Variants in GPAM observed in about 807,000 individuals in gnomAD.
The protein encoded by GPAM is glycerol-3-phosphate acyltransferase 1, mitochondrial.
Under a neutral mutation model 105.0 loss-of-function variants are expected in GPAM, and 56 were observed. The observed-to-expected ratio is 0.53, with a 90% CI of 0.43 to 0.67. The LOEUF (loss-of-function observed/expected upper bound fraction) is 0.67, where lower values mean the gene tolerates loss of function less well. Among genes scored for constraint, GPAM ranks in the 30% least tolerant of loss-of-function variants. GPAM has a pLI of 0.00. For synonymous variants in GPAM, 368 were observed against 354.4 expected, an observed-to-expected ratio of 1.04 and a Z score of -0.43; for missense variants, 855 against 989.8, an observed-to-expected ratio of 0.86 and a Z score of 1.83.
At chr10:112,171,323 T>C (rs1306449396) in intron 9 of GPAM, among the ~76,000 whole-genome samples, 2 of 152,142 alleles carry the variant, frequency 1.3e-5, no homozygotes, top group African/African-American at 4.8e-5. Context: ...CTAAGTACTT[T>C]TTAAATCTAT....
At chr10:112,173,941 A>T (rs1010003918) in intron 6 of GPAM, 96 bp from the exon 7 acceptor site, 2 of 982,148 alleles carry the variant, frequency 2.0e-6, no homozygotes, top group Middle Eastern at 2.3e-4. Context: ...CACAAAACAA[A>T]ATGTATGTTC....
chr10:112,210,286 T>A (rs1847897043), intron 1 of GPAM, among the ~76,000 whole-genome samples: 1 of 152,228 alleles, frequency 6.6e-6, no homozygotes, highest in Non-Finnish European at 1.5e-5. Flanking sequence ...TCTAGAGTTT[T>A]GTTGCATAGC....
At chr10:112,221,435 T>A in the GPAM span, among the ~76,000 whole-genome samples, 1 of 152,296 alleles carries the variant, frequency 6.6e-6, no homozygotes, top group East Asian at 1.9e-4. Flanking sequence ...AGGAACTTAA[T>A]AAGCATACAG....
At chr10:112,166,271 A>G (rs943443626) in intron 12 of GPAM, 131 bp downstream of exon 12, 4 of 709,992 alleles carry the variant, frequency 5.6e-6, no homozygotes, top group Admixed American at 2.0e-5. Flanking sequence ...CACCTTTATC[A>G]TAGTCCTCAT....
At chr10:112,212,587 AC>A (rs1449575617) in intron 1 of GPAM, among the ~76,000 whole-genome samples, 1 of 152,116 alleles carries the variant, frequency 6.6e-6, no homozygotes, top group Non-Finnish European at 1.5e-5. Context: ...AATAACAGAA[AC>A]CAGTCATCAG....
At chr10:112,175,533 C>A in intron 6 of GPAM, 67 bp downstream of exon 6, 1 of 820,176 alleles carries the variant, frequency 1.2e-6, no homozygotes, top group Non-Finnish European at 2.2e-6. Flanking sequence ...CTAAGAATTA[C>A]TTCCCCCTCC....
intron 8 of GPAM, 35 bp downstream of exon 8, chr10:112,172,935 G>A (rs375430774): frequency 1.8e-6 from 2 of 1,084,900 alleles, no homozygotes; most frequent in South Asian, 2.5e-5. Context: ...ACAATTGAGG[G>A]GAAAATGGGG....
At chr10:112,185,703 G>A (rs1847587961), upstream of GPAM, among the ~76,000 whole-genome samples, 1 of 151,914 alleles carries the variant, frequency 6.6e-6, no homozygotes, top group Admixed American at 6.6e-5. Context: ...AACCCAGGAG[G>A]CAGAGCTTGC....
intron 6 of GPAM, among the ~76,000 whole-genome samples, chr10:112,174,147 A>G (rs1444287426): frequency 6.6e-6 from 1 of 152,152 alleles, no homozygotes; most frequent in Non-Finnish European, 1.5e-5. Flanking sequence ...ACGAAATTGT[A>G]CTCTAGCAGA....
intron 11 of GPAM, 53 bp downstream of exon 11, chr10:112,168,259 T>A: frequency 9.5e-7 from 1 of 1,049,860 alleles, no homozygotes; most frequent in Non-Finnish European, 1.5e-6. Flanking sequence ...ATTCTAAAAG[T>A]TAAATCTAAA....
chr10:112,190,364 G>A (rs1328224348), intron 1 of GPAM, among the ~76,000 whole-genome samples: 1 of 151,964 alleles, frequency 6.6e-6, no homozygotes, highest in Non-Finnish European at 1.5e-5. Flanking sequence ...AATTAGCTGG[G>A]CTTGGTGGCG....
At chr10:112,155,241 G>A (rs973088854) in intron 20 of GPAM, 1 of 173,174 alleles carries the variant, frequency 5.8e-6, no homozygotes, top group Non-Finnish European at 1.2e-5. Flanking sequence ...AGTAGTTTCA[G>A]CTCCAAACTA....
rs528356049 is a variant in GPAM, at chr10:112,163,375, C to T, written c.1423+326G>A. ...ATGGACATGCAACTATAAATCTAGA[C>T]GTTGTACCACAAATTAGTTCAAGTA... On this transcript the variant is annotated intron_variant, in intron 14 of 21. Coordinates refer to ENST00000348367, the MANE Select transcript of GPAM (RefSeq NM_001244949.2). Among the ~76,000 whole-genome samples, 13 of 152,320 alleles carry T rather than the reference C, an allele frequency of 8.5e-5. No individual in the cohort carries two copies. The South Asian group carries it at 1.0e-3, about 12-fold the overall frequency.
At chr10:112,170,733 T>C (rs879901026) in intron 9 of GPAM, among the ~76,000 whole-genome samples, 1 of 152,226 alleles carries the variant, frequency 6.6e-6, no homozygotes, top group African/African-American at 2.4e-5. Flanking sequence ...ATCTACCCTG[T>C]AGAATCATAT....
rs753996445 is a variant in GPAM at position 112,153,674 on chromosome 10, A to G, written c.2371-8T>C. The G allele has an allele frequency of 4.4e-6, 7 of 1,607,280 alleles. No individual in the cohort carries two copies. The highest frequency in any genetic ancestry group is 6.0e-6 in the Non-Finnish European group (7 of 1,174,246). ...TTTGGTCTCCTTGAAAACCTAAAGA[A>G]AAGGTTTAGATTAAATTAAAGGCAA... On this transcript the variant is annotated splice_region_variant and splice_polypyrimidine_tract_variant and intron_variant, in intron 21 of 21. Coordinates refer to ENST00000348367, the MANE Select transcript of GPAM (RefSeq NM_001244949.2).
intron 19 of GPAM, 111 bp downstream of exon 19, chr10:112,157,138 G>C: frequency 1.1e-6 from 1 of 951,352 alleles, no homozygotes; most frequent in South Asian, 1.3e-5. Context: ...ACCAGAGCTA[G>C]TTGGGGGATT....
chr10:112,156,071 G>T lies in GPAM; in HGVS notation c.2122-18C>A. 6.3e-7 allele frequency: 1 copy of T among 1,586,714 alleles called. No homozygotes were observed. The highest frequency in any genetic ancestry group is 8.6e-7 in the Non-Finnish European group (1 of 1,156,780). The stretch of plus-strand genomic sequence containing the variant: ...TGGCTCACCTGAGTGTGCAAAAGCA[G>T]GAGATGAAGTCATGAGGAAGGGACA... On this transcript the variant is annotated intron_variant, in intron 19 of 21. Coordinates refer to ENST00000348367, the MANE Select transcript of GPAM (RefSeq NM_001244949.2).
intron 17 of GPAM, among the ~76,000 whole-genome samples, chr10:112,158,698 C>T (rs1847063938): frequency 6.6e-6 from 1 of 152,190 alleles, no homozygotes; most frequent in South Asian, 2.1e-4. Context: ...CTGAAGACTG[C>T]TTATCAGCCC....
intron 3 of GPAM, 67 bp from the exon 4 acceptor site, chr10:112,180,662 A>G: frequency 7.1e-7 from 1 of 1,403,708 alleles, no homozygotes; most frequent in Non-Finnish European, 1.0e-6. Context: ...CTTGATCTCA[A>G]AATCTAAAGT....
Sources: gnomAD v4.1 joint callset for allele counts (sites outside exome capture counted in the v4.1 genomes callset) on GRCh38, gnomAD v4.1.1 for gene constraint, MANE v1.5 for transcripts, NCBI Gene and HGNC (gene_info 2026-07-23, HGNC 2026-07-21) for gene names.